AFDN: variants seen among roughly 807,000 people sequenced by gnomAD.
AFDN encodes afadin.
In AFDN, 68 loss-of-function variants were observed where a neutral mutation model predicts 216.6. The ratio of observed to expected loss-of-function variants is 0.31; its 90% confidence interval spans 0.26 to 0.38. The LOEUF (loss-of-function observed/expected upper bound fraction) is 0.38, where lower values mean the gene tolerates loss of function less well. AFDN is among the 10% of genes least tolerant of loss of function. AFDN has a pLI of 1.00. For missense variants in AFDN, 2,136 were observed against 2,342.0 expected (o/e 0.91, Z 1.82); for synonymous variants, 868 against 853.7 (o/e 1.02, Z -0.29).
chr6:167,922,801 C>G, intron 21 of AFDN, 55 bp from the exon 22 acceptor site: 20 of 1,228,290 alleles, frequency 1.6e-5, no homozygotes, highest in Non-Finnish European at 2.0e-5. Flanking sequence ...ATCTTGCTTC[C>G]TTTATCTTGA....
At chr6:167,876,496 A>G (rs951778552) in intron 5 of AFDN, among the ~76,000 whole-genome samples, 21 of 152,236 alleles carry the variant, frequency 1.4e-4, no homozygotes, top group African/African-American at 4.8e-4. Context: ...AAAATTTTTT[A>G]AAAGACAAGA....
In AFDN at chr6:167,826,982, G is replaced by A. The variant is rs1444697344; in HGVS notation, c.-151G>A. 1.2e-5 allele frequency: 2 copies of A among 166,032 alleles called. No homozygotes were observed. Among genetic ancestry groups the A allele is most frequent in the African/African-American group, 4.9e-5 (2 of 41,096 alleles). The allele number at this position is 166,032 out of a possible 1,614,324, so 10.3% of individuals were successfully genotyped here. On this transcript the variant is annotated 5_prime_UTR_variant, in exon 1 of 34. Coordinates refer to ENST00000683244, the MANE Select transcript of AFDN (RefSeq NM_001386888.1). ...AGCCCCAGGCGGAGGCCAAGTCGGA[G>A]GACGCGGCGCGGCCGCGGAGGCGGA...
At chr6:167,882,045 C>G (rs1174830188) in intron 6 of AFDN, among the ~76,000 whole-genome samples, 1 of 151,882 alleles carries the variant, frequency 6.6e-6, no homozygotes, top group Non-Finnish European at 1.5e-5. Flanking sequence ...AAAACGGGGA[C>G]AGATAACAGA....
intron 1 of AFDN, 130 bp from the exon 2 acceptor site, chr6:167,864,421 C>T (rs1393872748): frequency 6.8e-6 from 6 of 878,888 alleles, no homozygotes; most frequent in East Asian, 2.4e-5. Context: ...CATCTCTCTA[C>T]ATTAGTCTCA....
At chr6:167,925,182 C>CCCA in intron 23 of AFDN, 91 bp downstream of exon 23, 2 of 889,760 alleles carry the variant, frequency 2.2e-6, no homozygotes, top group Non-Finnish European at 3.7e-6. Context: ...GAGTACTTTA[C>CCCA]CACCTGTGTA....
Position 167,965,863 on chromosome 6 carries a change from G to T in AFDN, c.5075G>T (p.Arg1692Leu). The T allele has an allele frequency of 6.5e-7, 1 of 1,548,958 alleles. No homozygotes were observed. Among genetic ancestry groups the T allele is most frequent in the Non-Finnish European group, 8.7e-7 (1 of 1,146,494 alleles). ...GAGCCCGAGGCGCCCGGTCTGTGCCGCCCTCCGCTTCCCCGGGACTACGAG... is the reference window on the plus strand; with the variant it reads ...GAGCCCGAGGCGCCCGGTCTGTGCCTCCCTCCGCTTCCCCGGGACTACGAG... ...LLEPEAPGLC[R>L]PPLPRDYEPP... Residue 1692 changes from arginine (R) to leucine (L), a missense_variant, in exon 32 of 34, where the codon CGC becomes CTC. Physicochemically the swap from Arg to Leu is moderately radical, Grantham distance 102. Coordinates refer to ENST00000683244, the MANE Select transcript of AFDN (RefSeq NM_001386888.1).
intron 31 of AFDN, chr6:167,963,235 C>T (rs1457245529): frequency 3.8e-6 from 4 of 1,064,246 alleles, no homozygotes; most frequent in Non-Finnish European, 4.6e-6. Context: ...CTCCCTTTGT[C>T]CTGTGTGTGT....
intron 11 of AFDN, among the ~76,000 whole-genome samples, chr6:167,898,803 T>C (rs1325847724): frequency 6.6e-6 from 1 of 152,222 alleles, no homozygotes; most frequent in African/African-American, 2.4e-5. Context: ...TATAAAATTT[T>C]TTGAAGTATT....
intron 1 of AFDN, among the ~76,000 whole-genome samples, chr6:167,861,083 C>T (rs549459675): frequency 6.6e-6 from 1 of 152,182 alleles, no homozygotes; most frequent in African/African-American, 2.4e-5. Flanking sequence ...CCCCTCCTCT[C>T]CCCAACCCTC....
In AFDN at chr6:167,867,432, CT is replaced by C. The variant is rs766749834; in HGVS notation, c.301+2701del. 1.7e-3 allele frequency among the ~76,000 whole-genome samples: 227 copies of C among 137,166 alleles called. 1 individual carries two copies. The highest frequency in any genetic ancestry group is 2.4e-3 in the African/African-American group (92 of 37,572). The allele number at this position is 137,166 out of a possible 152,430, so 90.0% of individuals were successfully genotyped here. Reference sequence around the variant, plus strand: ...ACGGACTAATTCTTTTTTTTCTTTTCTTTTTTTTTTTTTTTGAGACAGAGTC... The same window carrying C: ...ACGGACTAATTCTTTTTTTTCTTTTCTTTTTTTTTTTTTTGAGACAGAGTC... On this transcript the variant is annotated intron_variant, in intron 2 of 33. Coordinates refer to ENST00000683244, the MANE Select transcript of AFDN (RefSeq NM_001386888.1).
At chr6:167,868,762 C>CTT (rs35300672) in intron 2 of AFDN, among the ~76,000 whole-genome samples, 53,335 of 122,388 alleles carry the variant, frequency 0.44, 13,212 homozygotes, top group East Asian at 0.63. Context: ...ATTGTGCAAT[C>CTT]TTTTTTTTTT....
chr6:167,869,865 A>G (rs1297996675), intron 2 of AFDN, among the ~76,000 whole-genome samples: 2 of 152,200 alleles, frequency 1.3e-5, no homozygotes, highest in Admixed American at 6.5e-5. Flanking sequence ...GAAGTGGGCA[A>G]ATTTTGGAGA....
At chr6:167,850,490 T>C (rs1247612366) in intron 1 of AFDN, among the ~76,000 whole-genome samples, 1 of 152,198 alleles carries the variant, frequency 6.6e-6, no homozygotes, top group Non-Finnish European at 1.5e-5. Context: ...GCACTTTGAT[T>C]ATAGGAAGTT....
chr6:167,903,589 TG>T (rs1273140417), intron 12 of AFDN, among the ~76,000 whole-genome samples: 1 of 152,234 alleles, frequency 6.6e-6, no homozygotes, highest in Non-Finnish European at 1.5e-5. Flanking sequence ...TTGAATGCCA[TG>T]GTGCCACAAA....
chr6:167,855,627 G>A (rs1782808172), intron 1 of AFDN, among the ~76,000 whole-genome samples: 2 of 152,056 alleles, frequency 1.3e-5, no homozygotes. Flanking sequence ...GTTTATTCTA[G>A]ACAGTAGGAA....
intron 1 of AFDN, among the ~76,000 whole-genome samples, chr6:167,850,941 C>T (rs534355865): frequency 5.3e-5 from 8 of 152,030 alleles, no homozygotes; most frequent in Non-Finnish European, 1.0e-4. Context: ...GAGCCGATCT[C>T]GGCTCATTGC....
chr6:167,879,490 T>G (rs1159092273), intron 5 of AFDN, among the ~76,000 whole-genome samples: 1 of 152,194 alleles, frequency 6.6e-6, no homozygotes, highest in East Asian at 1.9e-4. Context: ...AGTGCATACC[T>G]AGGGTCACAG....
chr6:167,946,447 T>C (rs1250265383), intron 26 of AFDN, among the ~76,000 whole-genome samples: 1 of 152,226 alleles, frequency 6.6e-6, no homozygotes, highest in Admixed American at 6.5e-5. Context: ...AATGGTTAGA[T>C]TTGTTGCTTA....
intron 1 of AFDN, among the ~76,000 whole-genome samples, chr6:167,836,522 A>G (rs909445074): frequency 7.9e-5 from 12 of 152,114 alleles, no homozygotes; most frequent in African/African-American, 2.7e-4. Flanking sequence ...TCAAAATAAT[A>G]TGTGGATATA....
Sources: allele counts gnomAD v4.1 joint callset (sites outside exome capture counted in the v4.1 genomes callset), GRCh38; gene constraint gnomAD v4.1.1; transcripts MANE v1.5; gene names NCBI Gene and HGNC (gene_info 2026-07-23, HGNC 2026-07-21).